Variants in SLC25A26 observed in about 807,000 individuals in gnomAD.
SLC25A26 encodes solute carrier family 25 member 26.
SLC25A26 carries 36 observed loss-of-function variants against 37.8 expected under a neutral mutation model. The ratio of observed to expected loss-of-function variants is 0.95; its 90% CI spans 0.73 to 1.26. The LOEUF is 1.26. SLC25A26 is among the 50% of genes most tolerant of loss of function. The pLI is 0.00. For synonymous variants in SLC25A26, 129 were observed against 122.5 expected (o/e 1.05, Z -0.35); for missense variants, 390 against 331.1 (o/e 1.18, Z -1.38).
chr3:66,329,499 C>CT (rs113056527), intron 5 of SLC25A26, among the ~76,000 whole-genome samples: 5 of 151,742 alleles, frequency 3.3e-5, no homozygotes, highest in Non-Finnish European at 7.4e-5. Flanking sequence ...CTAGTTCTCC[C>CT]TTTTTTTTCC....
intron 1 of SLC25A26, among the ~76,000 whole-genome samples, chr3:66,166,026 C>G (rs867174319): frequency 1.9e-4 from 28 of 146,226 alleles, no homozygotes; most frequent in Non-Finnish European, 3.1e-4. Context: ...AAAATTAGAA[C>G]AGTTGAATTT....
chr3:66,136,630 A>G (rs556106266), intron 1 of SLC25A26, among the ~76,000 whole-genome samples: 1 of 152,348 alleles, frequency 6.6e-6, no homozygotes, highest in African/African-American at 2.4e-5. Flanking sequence ...TGGTAGTGAA[A>G]TTTGATTTAT....
chr3:66,202,971 A>G, intron 1 of SLC25A26, among the ~76,000 whole-genome samples: 1 of 152,242 alleles, frequency 6.6e-6, no homozygotes, highest in East Asian at 1.9e-4. Flanking sequence ...ACTAAATGAC[A>G]TAGCAGTGGT....
chr3:66,208,861 T>TGG, intron 1 of SLC25A26, among the ~76,000 whole-genome samples: 1 of 32,404 alleles, frequency 3.1e-5, no homozygotes, highest in Admixed American at 4.9e-4. Flanking sequence ...TACCTTTATA[T>TGG]GGGTGTGTGT....
At chr3:66,287,336 T>A (rs1170216020) in intron 5 of SLC25A26, among the ~76,000 whole-genome samples, 1 of 152,164 alleles carries the variant, frequency 6.6e-6, no homozygotes, top group Non-Finnish European at 1.5e-5. Flanking sequence ...TTCTGTCTTT[T>A]CTCTCCTAAA....
intron 5 of SLC25A26, among the ~76,000 whole-genome samples, chr3:66,285,029 G>T (rs542190135): frequency 6.6e-6 from 1 of 152,256 alleles, no homozygotes; most frequent in South Asian, 2.1e-4. Flanking sequence ...TACCAACTCT[G>T]GGAAGAAGGA....
intron 9 of SLC25A26, among the ~76,000 whole-genome samples, chr3:66,376,325 C>G (rs1022770851): frequency 6.6e-6 from 1 of 152,116 alleles, no homozygotes; most frequent in Non-Finnish European, 1.5e-5. Context: ...GAAAGAGGTC[C>G]TACTGTGGGC....
intron 6 of SLC25A26, among the ~76,000 whole-genome samples, chr3:66,357,687 A>C (rs182622935): frequency 6.6e-6 from 1 of 152,206 alleles, no homozygotes. Flanking sequence ...GAAATTATGG[A>C]AATTTAGAAA....
intron 5 of SLC25A26, among the ~76,000 whole-genome samples, chr3:66,265,076 G>T (rs1276922644): frequency 1.3e-5 from 2 of 152,182 alleles, no homozygotes; most frequent in Non-Finnish European, 2.9e-5. Flanking sequence ...ATTTTGGTAG[G>T]TGGAGGTGGG....
intron 1 of SLC25A26, among the ~76,000 whole-genome samples, chr3:66,222,959 A>G (rs932196374): frequency 1.3e-5 from 2 of 152,208 alleles, no homozygotes; most frequent in East Asian, 1.9e-4. Flanking sequence ...GTTTCAAGAA[A>G]CTAGATTTCA....
At chr3:66,266,615 T>C (rs2073764510) in intron 5 of SLC25A26, among the ~76,000 whole-genome samples, 1 of 146,876 alleles carries the variant, frequency 6.8e-6, no homozygotes, top group Non-Finnish European at 1.5e-5. Flanking sequence ...TTGATGTTTG[T>C]GGAGATTGCA....
intron 2 of SLC25A26, among the ~76,000 whole-genome samples, chr3:66,237,951 A>G (rs1415134484): frequency 3.3e-5 from 5 of 152,170 alleles, no homozygotes; most frequent in African/African-American, 7.2e-5. Context: ...GAAAAACAGT[A>G]TTTCTGTTTC....
chr3:66,214,817 T>C (rs1432087497), intron 1 of SLC25A26, among the ~76,000 whole-genome samples: 1 of 152,214 alleles, frequency 6.6e-6, no homozygotes, highest in Non-Finnish European at 1.5e-5. Flanking sequence ...GATGTTTCTT[T>C]ATCTCAAGAA....
chr3:66,368,493 A>G (rs1700158763), intron 7 of SLC25A26, among the ~76,000 whole-genome samples: 1 of 152,172 alleles, frequency 6.6e-6, no homozygotes, highest in African/African-American at 2.4e-5. Context: ...ATAATGTGGA[A>G]TGTGTGCTGA....
intron 6 of SLC25A26, among the ~76,000 whole-genome samples, chr3:66,347,754 G>T (rs1405287464): frequency 6.6e-6 from 1 of 152,132 alleles, no homozygotes; most frequent in African/African-American, 2.4e-5. Flanking sequence ...ACTGCATAAA[G>T]AAAATGTGGT....
chr3:66,205,748 C>A (rs2071168206), intron 1 of SLC25A26, among the ~76,000 whole-genome samples: 2 of 152,232 alleles, frequency 1.3e-5, no homozygotes, highest in East Asian at 3.9e-4. Context: ...TTTGTTTATT[C>A]AGTTAACAAA....
chr3:66,199,286 A>G (rs1322553911), intron 1 of SLC25A26, among the ~76,000 whole-genome samples: 2 of 151,828 alleles, frequency 1.3e-5, no homozygotes, highest in Non-Finnish European at 2.9e-5. Flanking sequence ...TAAATCACAC[A>G]TGGACTCTTA....
At chr3:66,362,449 T>C (rs1190272562) in intron 6 of SLC25A26, among the ~76,000 whole-genome samples, 1 of 152,200 alleles carries the variant, frequency 6.6e-6, no homozygotes, top group Non-Finnish European at 1.5e-5. Context: ...GTGATTACAA[T>C]GATATAACAT....
intron 2 of SLC25A26, among the ~76,000 whole-genome samples, chr3:66,242,329 T>C (rs1363416398): frequency 6.6e-6 from 1 of 152,228 alleles, no homozygotes; most frequent in Non-Finnish European, 1.5e-5. Flanking sequence ...AATAGACTTG[T>C]GTTAACCAGG....
Sources: allele counts gnomAD v4.1 joint callset (sites outside exome capture counted in the v4.1 genomes callset), GRCh38; gene constraint gnomAD v4.1.1; transcripts MANE v1.5; gene names NCBI Gene and HGNC (gene_info 2026-07-23, HGNC 2026-07-21).